BBX: variants seen among roughly 807,000 people sequenced by gnomAD.
BBX encodes the protein HMG box transcription factor BBX.
BBX carries 30 observed loss-of-function variants against 100.2 expected under a neutral mutation model. The ratio of observed to expected loss-of-function variants is 0.30; its 90% CI spans 0.22 to 0.41. The LOEUF is 0.41. BBX is among the 10% of genes least tolerant of loss of function. The pLI, the probability that BBX is intolerant of heterozygous loss-of-function variation, is 1.00. For synonymous variants in BBX, 376 were observed against 388.1 expected, an observed-to-expected ratio of 0.97 and a Z score of 0.37; for missense variants, 1,023 against 1,129.8, an observed-to-expected ratio of 0.91 and a Z score of 1.35.
At chr3:107,670,944 T>TA (rs1262761638) in intron 3 of BBX, among the ~76,000 whole-genome samples, 1 of 152,098 alleles carries the variant, frequency 6.6e-6, no homozygotes, top group East Asian at 1.9e-4. Flanking sequence ...TGTTTTTTCC[T>TA]AAAAACAATT....
intron 10 of BBX, among the ~76,000 whole-genome samples, chr3:107,763,671 G>GT (rs1446944142): frequency 6.6e-6 from 1 of 151,994 alleles, no homozygotes; most frequent in African/African-American, 2.4e-5. Flanking sequence ...CTATTGAATT[G>GT]TTTTCTTTGT....
chr3:107,739,775 A>G lies in BBX; in HGVS notation c.670-4855A>G, dbSNP rs190208019. 5.3e-5 allele frequency among the ~76,000 whole-genome samples: 8 copies of G among 152,280 alleles called. No individual in the cohort carries two copies. The East Asian group carries it at 1.5e-3, about 29-fold the overall frequency. ...AGAGCACATTGATGTACACTGTTGC[A>G]TTTTATTCTCACAGTTTACTGTGAA... is the stretch of plus-strand genomic sequence containing the variant. On this transcript the variant is annotated intron_variant, in intron 7 of 17. Transcript: ENST00000325805.
chr3:107,727,663 C>T (rs564347748), intron 5 of BBX, among the ~76,000 whole-genome samples: 1 of 152,148 alleles, frequency 6.6e-6, no homozygotes, highest in East Asian at 1.9e-4. Flanking sequence ...ATCTATATTA[C>T]AGTTTTCATT....
At chr3:107,739,302 C>T (rs1310144504) in intron 7 of BBX, among the ~76,000 whole-genome samples, 1 of 152,126 alleles carries the variant, frequency 6.6e-6, no homozygotes, top group East Asian at 1.9e-4. Flanking sequence ...CTACCTGAAC[C>T]TCATCAAAAC....
At chr3:107,726,807 C>G (rs889308343) in intron 5 of BBX, among the ~76,000 whole-genome samples, 3 of 152,072 alleles carry the variant, frequency 2.0e-5, no homozygotes, top group Non-Finnish European at 4.4e-5. Context: ...CTAATTCATA[C>G]TCTTCTCTCT....
chr3:107,611,003 T>C (rs1432076385), intron 2 of BBX, among the ~76,000 whole-genome samples: 2 of 152,092 alleles, frequency 1.3e-5, no homozygotes, highest in Admixed American at 6.5e-5. Flanking sequence ...TATTGTTTTT[T>C]ATTTTTTGTT....
At chr3:107,760,465 A>G (rs896528672) in intron 10 of BBX, among the ~76,000 whole-genome samples, 4 of 152,246 alleles carry the variant, frequency 2.6e-5, no homozygotes, top group Non-Finnish European at 5.9e-5. Flanking sequence ...TTTGGAAGAT[A>G]CTGTGGGGAT....
At chr3:107,692,701 G>A (rs1218389042) in intron 3 of BBX, among the ~76,000 whole-genome samples, 3 of 149,746 alleles carry the variant, frequency 2.0e-5, no homozygotes, top group Admixed American at 6.7e-5. Flanking sequence ...ATAATCCTTT[G>A]GGTATATACC....
At chr3:107,698,046 T>C (rs1471052152) in intron 3 of BBX, among the ~76,000 whole-genome samples, 1 of 151,874 alleles carries the variant, frequency 6.6e-6, no homozygotes, top group African/African-American at 2.4e-5. Context: ...TGCCTCGCCC[T>C]GCTTTGGCTC....
In BBX at chr3:107,801,085, T is replaced by C; in HGVS notation, c.2552-10T>C. On this transcript the variant is annotated splice_polypyrimidine_tract_variant and intron_variant, in intron 16 of 17. Coordinates refer to ENST00000325805, the MANE Select transcript of BBX (RefSeq NM_001142568.3). The stretch of plus-strand genomic sequence containing the variant: ...TGATCCTCTCATGATGGATTTCTCT[T>C]TTGTTACAGATGACAAACCAAAGGA... 6.2e-7 allele frequency: 1 copy of C among 1,613,172 alleles called. No individual in the cohort carries two copies. Among genetic ancestry groups the C allele is most frequent in the Non-Finnish European group, 8.5e-7 (1 of 1,179,640 alleles).
At chr3:107,768,487 C>T (rs2066576631) in intron 10 of BBX, among the ~76,000 whole-genome samples, 1 of 152,158 alleles carries the variant, frequency 6.6e-6, no homozygotes, top group Admixed American at 6.5e-5. Context: ...CCATGTTTTG[C>T]TCAACATTAT....
chr3:107,661,727 G>C (rs1029474567), intron 3 of BBX: 33 of 267,644 alleles, frequency 1.2e-4, no homozygotes, highest in African/African-American at 6.9e-4. Flanking sequence ...TGACTCTTTT[G>C]CTCCTCTCAA....
Position 107,809,707 on chromosome 3 carries a change from A to G in BBX, c.*4250A>G, listed in dbSNP as rs1233830645. The G allele has an allele frequency of 6.6e-6, 1 of 152,230 alleles. No individual in the cohort carries two copies. The allele number at this position is 152,230 out of a possible 1,614,324, so 9.4% of individuals were successfully genotyped here. On this transcript the variant is annotated 3_prime_UTR_variant, in exon 18 of 18. Transcript: ENST00000325805. ...GGCAGTAGAAGCAAATGCTGTTGTT[A>G]CATTTGACCTATAAAGTATTCAGAG...
intron 2 of BBX, among the ~76,000 whole-genome samples, chr3:107,559,943 C>T (rs147060086): frequency 6.6e-6 from 1 of 152,034 alleles, no homozygotes; most frequent in African/African-American, 2.4e-5. Flanking sequence ...GAGGTTTTGC[C>T]ATGTTTCCCA....
chr3:107,707,485 G>GATGTTTC (rs1437077161), intron 3 of BBX, among the ~76,000 whole-genome samples: 1 of 152,170 alleles, frequency 6.6e-6, no homozygotes, highest in Non-Finnish European at 1.5e-5. Context: ...GATGTGCCAG[G>GATGTTTC]ATGTTTCTGA....
chr3:107,617,869 A>T (rs184237246), intron 2 of BBX, among the ~76,000 whole-genome samples: 4 of 151,666 alleles, frequency 2.6e-5, no homozygotes, highest in African/African-American at 9.7e-5. Flanking sequence ...TCAGGTCTGT[A>T]TGCCTTTTTT....
intron 3 of BBX, among the ~76,000 whole-genome samples, chr3:107,665,088 G>C (rs992396780): frequency 6.6e-6 from 1 of 152,114 alleles, no homozygotes; most frequent in African/African-American, 2.4e-5. Context: ...TGTCAAGCTT[G>C]CTGCCACTAC....
At chr3:107,790,776 G>A (rs1213916608) in intron 14 of BBX, among the ~76,000 whole-genome samples, 1 of 152,160 alleles carries the variant, frequency 6.6e-6, no homozygotes, top group African/African-American at 2.4e-5. Context: ...TTTAAACGCA[G>A]CTGTCTCCTG....
chr3:107,793,754 C>T (rs1378588622), intron 15 of BBX, among the ~76,000 whole-genome samples: 4 of 152,134 alleles, frequency 2.6e-5, no homozygotes, highest in Non-Finnish European at 5.9e-5. Context: ...TCAACTGATG[C>T]TATATAACTG....
Sources: gnomAD v4.1 joint callset for allele counts (sites outside exome capture counted in the v4.1 genomes callset) on GRCh38, gnomAD v4.1.1 for gene constraint, MANE v1.5 for transcripts, NCBI Gene and HGNC (gene_info 2026-07-23, HGNC 2026-07-21) for gene names.